Variants in HAO1 observed in about 807,000 individuals in gnomAD.
HAO1 encodes the protein 2-Hydroxyacid oxidase 1.
Under a neutral mutation model 39.7 loss-of-function variants are expected in HAO1, and 34 were observed. The observed-to-expected ratio is 0.86, with a 90% CI of 0.65 to 1.14. HAO1 has a LOEUF of 1.14. HAO1 is among the 50% of genes most tolerant of loss of function. The pLI, the probability that HAO1 is intolerant of heterozygous loss-of-function variation, is 0.00. For missense variants in HAO1, 479 were observed against 464.5 expected (o/e 1.03, Z -0.29); for synonymous variants, 172 against 173.2 (o/e 0.99, Z 0.05).
intron 5 of HAO1, among the ~76,000 whole-genome samples, chr20:7,886,647 C>A (rs571563252): frequency 9.9e-5 from 15 of 152,124 alleles, no homozygotes; most frequent in Non-Finnish European, 1.9e-4. Context: ...TATTAAAGAA[C>A]ACTCTGTGAA....
rs1319807480 is a variant in HAO1 at position 7,930,791 on chromosome 20, A to G, written c.289+3693T>C. Among the ~76,000 whole-genome samples the G allele has an allele frequency of 2.0e-5, 3 of 152,318 alleles. 1 individual carries two copies. The highest frequency in any genetic ancestry group is 4.1e-4 in the South Asian group (2 of 4,828). ...ACCCTCTCTCCCATTCCCCTACTTCAAACACACCTATCCATGGGCTCATGT... is the reference window on the plus strand; with the variant it reads ...ACCCTCTCTCCCATTCCCCTACTTCGAACACACCTATCCATGGGCTCATGT... On this transcript the variant is annotated intron_variant, in intron 2 of 7. Transcript: ENST00000378789.
intron 4 of HAO1, among the ~76,000 whole-genome samples, chr20:7,903,078 G>A (rs1267687327): frequency 1.3e-5 from 2 of 152,148 alleles, no homozygotes; most frequent in East Asian, 1.9e-4. Context: ...CTGTGAAATG[G>A]AGAAAATTGG....
chr20:7,898,889 G>C (rs1012219100), intron 4 of HAO1, among the ~76,000 whole-genome samples: 1 of 151,354 alleles, frequency 6.6e-6, no homozygotes, highest in Non-Finnish European at 1.5e-5. Flanking sequence ...TTCTGAATTG[G>C]TGTGGTTTGC....
At chr20:7,916,472 A>G (rs995471090) in intron 2 of HAO1, among the ~76,000 whole-genome samples, 1 of 152,162 alleles carries the variant, frequency 6.6e-6, no homozygotes, top group Non-Finnish European at 1.5e-5. Context: ...AGCTTCCATG[A>G]TTCTCAAACT....
chr20:7,928,626 C>T (rs183603698), intron 2 of HAO1, among the ~76,000 whole-genome samples: 12 of 152,146 alleles, frequency 7.9e-5, no homozygotes, highest in Non-Finnish European at 1.2e-4. Context: ...CAACCCCAGC[C>T]TCCTTGGGAC....
chr20:7,898,249 T>C (rs978713433), intron 4 of HAO1, among the ~76,000 whole-genome samples: 1 of 152,152 alleles, frequency 6.6e-6, no homozygotes. Flanking sequence ...TTGCAGACTA[T>C]ATACCTACAG....
chr20:7,912,238 G>A (rs1475297235), intron 3 of HAO1, among the ~76,000 whole-genome samples: 1 of 152,072 alleles, frequency 6.6e-6, no homozygotes, highest in East Asian at 1.9e-4. Flanking sequence ...AAAAGAAAAG[G>A]GGGGAAAGCA....
At chr20:7,920,357 T>C (rs907895959) in intron 2 of HAO1, among the ~76,000 whole-genome samples, 4 of 152,166 alleles carry the variant, frequency 2.6e-5, no homozygotes, top group Admixed American at 1.3e-4. Flanking sequence ...AATTACTTAG[T>C]CTCGGGCAGT....
At chr20:7,911,995 C>T (rs766739266) in intron 3 of HAO1, among the ~76,000 whole-genome samples, 5 of 152,286 alleles carry the variant, frequency 3.3e-5, no homozygotes, top group Non-Finnish European at 4.4e-5. Context: ...TGGCCTACTC[C>T]GAAGTCCACT....
intron 2 of HAO1, among the ~76,000 whole-genome samples, chr20:7,922,419 A>T (rs1281216000): frequency 1.3e-5 from 2 of 152,110 alleles, no homozygotes; most frequent in African/African-American, 4.8e-5. Context: ...TTCTACAATG[A>T]TTTTGATGCT....
chr20:7,914,483 T>C lies in HAO1; in HGVS notation c.290-64A>G, dbSNP rs2050297233. The C allele has an allele frequency of 5.8e-6, 9 of 1,557,370 alleles. No individual in the cohort carries two copies. The Admixed American group carries it at 1.6e-4, about 27-fold the overall frequency. ...TGCTTACCCTCCCAAACCTTTGAAT[T>C]GTAGTTGGATGAGTAAAGACATCTA... On this transcript the variant is annotated intron_variant, in intron 2 of 7. Transcript: ENST00000378789.
chr20:7,927,536 C>G lies in HAO1; in HGVS notation c.289+6948G>C, dbSNP rs948823768. On this transcript the variant is annotated intron_variant, in intron 2 of 7. Coordinates refer to ENST00000378789, the MANE Select transcript of HAO1 (RefSeq NM_017545.3). Reference sequence around the variant, plus strand: ...CAAATTTTTTATTCGTAACACAGTGCATGAAAAACTGCCCTCCATTCAGTA... The same window carrying G: ...CAAATTTTTTATTCGTAACACAGTGGATGAAAAACTGCCCTCCATTCAGTA... 2.0e-5 allele frequency among the ~76,000 whole-genome samples: 3 copies of G among 152,170 alleles called. No individual in the cohort carries two copies. The East Asian group carries it at 5.8e-4, about 29-fold the overall frequency.
rs1000403152 is a variant in HAO1, at chr20:7,914,819, C to T, written c.290-400G>A. 7.9e-5 allele frequency among the ~76,000 whole-genome samples: 12 copies of T among 152,164 alleles called. 1 individual carries two copies. The stretch of plus-strand genomic sequence containing the variant: ...ATATATAAAATGAAATGAACACACC[C>T]ATTAAAATTAATATTATTGCTGGGC... On this transcript the variant is annotated intron_variant, in intron 2 of 7. Transcript: ENST00000378789.
At chr20:7,897,080 A>G (rs1445072275) in intron 4 of HAO1, among the ~76,000 whole-genome samples, 1 of 152,180 alleles carries the variant, frequency 6.6e-6, no homozygotes, top group Non-Finnish European at 1.5e-5. Context: ...TGTGAATGAC[A>G]ATTGGATTGG....
chr20:7,919,174 T>C (rs2050320146), intron 2 of HAO1, among the ~76,000 whole-genome samples: 2 of 152,186 alleles, frequency 1.3e-5, no homozygotes, highest in African/African-American at 2.4e-5. Context: ...GCTTTTGTAA[T>C]AGACGGTATA....
At chr20:7,894,577 AG>A (rs1260519545) in intron 5 of HAO1, among the ~76,000 whole-genome samples, 3 of 152,204 alleles carry the variant, frequency 2.0e-5, no homozygotes, top group Non-Finnish European at 2.9e-5. Context: ...ACTCAGCCAG[AG>A]TAGCCTATTT....
At chr20:7,898,425 G>T (rs931247880) in intron 4 of HAO1, among the ~76,000 whole-genome samples, 6 of 152,136 alleles carry the variant, frequency 3.9e-5, no homozygotes, top group Non-Finnish European at 5.9e-5. Flanking sequence ...TTGCTTTGCT[G>T]TCATTGGTGT....
intron 2 of HAO1, among the ~76,000 whole-genome samples, chr20:7,925,999 T>C (rs1046006295): frequency 6.6e-6 from 1 of 152,188 alleles, no homozygotes; most frequent in African/African-American, 2.4e-5. Flanking sequence ...TATGTATATA[T>C]ATCAAATGTC....
At chr20:7,908,645 A>T (rs899997045) in intron 3 of HAO1, among the ~76,000 whole-genome samples, 3 of 152,176 alleles carry the variant, frequency 2.0e-5, no homozygotes, top group Non-Finnish European at 2.9e-5. Context: ...AGTTAGTCCT[A>T]TAGTTTCACG....
Sources: allele counts gnomAD v4.1 joint callset (sites outside exome capture counted in the v4.1 genomes callset), GRCh38; gene constraint gnomAD v4.1.1; transcripts MANE v1.5; gene names NCBI Gene and HGNC (gene_info 2026-07-23, HGNC 2026-07-21).